Variants in PLXNA4 observed in about 807,000 individuals in gnomAD.
PLXNA4 encodes plexin A4, also known as plexin-A4.
Under a neutral mutation model 191.8 loss-of-function variants are expected in PLXNA4, and 44 were observed. That is an observed-to-expected ratio of 0.23 (90% CI 0.18 to 0.29). The LOEUF is 0.29. Among genes scored for constraint, PLXNA4 ranks in the 10% least tolerant of loss-of-function variants. The probability of loss-of-function intolerance (pLI) is 1.00; values close to 1 mark genes in which losing one functional copy is unlikely to be tolerated. For synonymous variants in PLXNA4, 1,082 were observed against 1,009.5 expected (o/e 1.07, Z -1.36); for missense variants, 1,800 against 2,488.8 (o/e 0.72, Z 5.89).
chr7:132,311,890 T>A (rs774128781), intron 3 of PLXNA4, among the ~76,000 whole-genome samples: 1 of 151,998 alleles, frequency 6.6e-6, no homozygotes, highest in African/African-American at 2.4e-5. Context: ...GAGAAGGGCA[T>A]CCCTGTCTGG....
chr7:132,170,881 C>G (rs1584790843), intron 21 of PLXNA4, among the ~76,000 whole-genome samples: 1 of 152,334 alleles, frequency 6.6e-6, no homozygotes, highest in East Asian at 1.9e-4. Context: ...AGGGCCAGTT[C>G]TCAGGAGACA....
chr7:132,164,983 A>G, intron 23 of PLXNA4, 151 bp downstream of exon 23: 1 of 1,215,882 alleles, frequency 8.2e-7, no homozygotes, highest in Non-Finnish European at 1.1e-6. Context: ...CTGTCTTCCT[A>G]GACAGTCCAT....
At chr7:132,383,532 A>G in intron 3 of PLXNA4, 1 of 970,646 alleles carries the variant, frequency 1.0e-6, no homozygotes, top group Non-Finnish European at 1.2e-6. Flanking sequence ...TATTCATTGT[A>G]TCATGCTTTC....
Position 132,130,207 on chromosome 7 carries a change from T to C in PLXNA4, c.*272A>G, listed in dbSNP as rs1474457170. 2.4e-6 allele frequency: 1 copy of C among 408,814 alleles called. No homozygotes were observed. The highest frequency in any genetic ancestry group is 4.5e-6 in the Non-Finnish European group (1 of 221,784). 25.3% of individuals were successfully genotyped at this position (408,814 alleles called of 1,614,324 possible). A position where few individuals can be genotyped will look rare whatever the true frequency, so the allele number is the denominator to read the frequency against. On this transcript the variant is annotated 3_prime_UTR_variant, in exon 32 of 32. Coordinates refer to ENST00000321063, the MANE Select transcript of PLXNA4 (RefSeq NM_020911.2). ...CTGGGAGACAGAGGCCTCTCTGACA[T>C]CTTCTGGTCAGCTCCCTTGCCATGG... is the stretch of plus-strand genomic sequence containing the variant.
intron 3 of PLXNA4, among the ~76,000 whole-genome samples, chr7:132,363,288 A>G (rs1563057861): frequency 6.6e-6 from 1 of 152,154 alleles, no homozygotes. Flanking sequence ...CCCAGTCCCC[A>G]GAACTATTTT....
intron 9 of PLXNA4, among the ~76,000 whole-genome samples, chr7:132,216,790 C>T (rs1459034787): frequency 3.3e-5 from 5 of 152,356 alleles, no homozygotes; most frequent in East Asian, 1.9e-4. Flanking sequence ...CACCCAATCA[C>T]CGTACTGACC....
chr7:132,150,407 A>T (rs1262724743), intron 25 of PLXNA4, among the ~76,000 whole-genome samples: 2 of 152,098 alleles, frequency 1.3e-5, no homozygotes, highest in African/African-American at 4.8e-5. Context: ...ATGCTGGTGG[A>T]CACCAGTCTG....
chr7:132,638,577 G>A (rs771532872), intron 2 of PLXNA4, among the ~76,000 whole-genome samples: 19 of 152,074 alleles, frequency 1.2e-4, no homozygotes, highest in Admixed American at 3.3e-4. Context: ...ACTTGAACCC[G>A]GGTGGCAGAG....
chr7:132,226,707 C>A (rs1798337008), intron 7 of PLXNA4, among the ~76,000 whole-genome samples: 1 of 152,172 alleles, frequency 6.6e-6, no homozygotes, highest in Admixed American at 6.5e-5. Flanking sequence ...GTTCTGACAC[C>A]ACTTCCTCTG....
chr7:132,638,173 G>C (rs937983953), intron 2 of PLXNA4, among the ~76,000 whole-genome samples: 1 of 152,230 alleles, frequency 6.6e-6, no homozygotes, highest in African/African-American at 2.4e-5. Flanking sequence ...GTGTGCAAGA[G>C]AGACTGTGGT....
At chr7:132,555,844 C>A (rs988749974) in intron 1 of PLXNA4, among the ~76,000 whole-genome samples, 2 of 152,226 alleles carry the variant, frequency 1.3e-5, no homozygotes, top group African/African-American at 4.8e-5. Context: ...GAAAGCCTTG[C>A]ATCAGAGTCT....
Position 132,226,353 on chromosome 7 carries a change from C to A in PLXNA4, c.1883-93G>T, listed in dbSNP as rs143158913. 363 of 1,108,926 alleles carry A rather than the reference C, an allele frequency of 3.3e-4. 2 individuals are homozygous for A. The African/African-American group carries it at 5.2e-3, about 16-fold the overall frequency. 68.7% of individuals were successfully genotyped at this position (1,108,926 alleles called of 1,614,324 possible). On this transcript the variant is annotated intron_variant, in intron 7 of 31. Transcript: ENST00000321063. The stretch of plus-strand genomic sequence containing the variant: ...GACACCTGCTGGAAAAGGGAGCCTG[C>A]TCCCCAGGCGGCTGTTGGCTTAACA...
At chr7:132,191,351 A>T (rs1208881949) in intron 14 of PLXNA4, among the ~76,000 whole-genome samples, 2 of 152,156 alleles carry the variant, frequency 1.3e-5, no homozygotes, top group Non-Finnish European at 1.5e-5. Context: ...TTGTAGGCCT[A>T]GGGGATGGAT....
intron 2 of PLXNA4, among the ~76,000 whole-genome samples, chr7:132,599,903 C>G (rs1207830044): frequency 6.6e-6 from 1 of 152,122 alleles, no homozygotes; most frequent in Non-Finnish European, 1.5e-5. Context: ...AGCTGTTGAA[C>G]TTTATCATGT....
intron 2 of PLXNA4, among the ~76,000 whole-genome samples, chr7:132,613,319 G>T (rs559150832): frequency 6.6e-6 from 1 of 152,226 alleles, no homozygotes; most frequent in Non-Finnish European, 1.5e-5. Context: ...AAAGGTCACT[G>T]CCACCAATTG....
At chr7:132,274,491 C>T (rs906530343) in intron 4 of PLXNA4, among the ~76,000 whole-genome samples, 6 of 151,984 alleles carry the variant, frequency 3.9e-5, no homozygotes, top group African/African-American at 1.2e-4. Context: ...ATTCTGATTT[C>T]GCCAGTTCTT....
chr7:132,359,989 T>A (rs559157783), intron 3 of PLXNA4, among the ~76,000 whole-genome samples: 1 of 152,328 alleles, frequency 6.6e-6, no homozygotes, highest in Admixed American at 6.5e-5. Context: ...GTGGTTTCAA[T>A]TGCTATATAG....
At chr7:132,280,487 C>T (rs185715397) in intron 4 of PLXNA4, among the ~76,000 whole-genome samples, 7 of 152,330 alleles carry the variant, frequency 4.6e-5, no homozygotes, top group African/African-American at 1.7e-4. Context: ...CAAGAATCTT[C>T]CCTGCCAGCA....
chr7:132,448,985 T>C lies in PLXNA4; in HGVS notation c.1371+40307A>G, dbSNP rs542849588. Among the ~76,000 whole-genome samples, 68 of 151,996 alleles carry C rather than the reference T, an allele frequency of 4.5e-4. 1 individual carries two copies. The highest frequency in any genetic ancestry group is 1.6e-3 in the African/African-American group (64 of 41,290). ...AAGATATTAATGTTACAACAGGTAA[T>C]GAATAAAATTTTGGTTTATTAATTG... On this transcript the variant is annotated intron_variant, in intron 3 of 31. Transcript: ENST00000321063.
Sources: allele counts gnomAD v4.1 joint callset (sites outside exome capture counted in the v4.1 genomes callset), GRCh38; gene constraint gnomAD v4.1.1; transcripts MANE v1.5; gene names NCBI Gene and HGNC (gene_info 2026-07-23, HGNC 2026-07-21).